The following MUC6 variants were observed in gnomAD, a reference collection of about 807,000 sequenced individuals.
MUC6 encodes the protein mucin-6.
A neutral mutation model predicts 201.5 loss-of-function variants in MUC6; 188 were observed. The ratio of observed to expected loss-of-function variants is 0.93; its 90% CI spans 0.83 to 1.05. The LOEUF is 1.05. MUC6 is among the 50% of genes least tolerant of loss of function. The probability of loss-of-function intolerance (pLI) is 0.00; values close to 1 mark genes in which losing one functional copy is unlikely to be tolerated. For synonymous variants in MUC6, 1,228 were observed against 1,389.4 expected (o/e 0.88, Z 2.58); for missense variants, 2,706 against 3,256.9 (o/e 0.83, Z 4.12).
At chr11:1,034,403 T>G (rs960142277) in intron 1 of MUC6, among the ~76,000 whole-genome samples, 3 of 152,096 alleles carry the variant, frequency 2.0e-5, no homozygotes, top group African/African-American at 7.2e-5. Flanking sequence ...CCCTCACTCA[T>G]CCCCCTCCTG....
intron 1 of MUC6, among the ~76,000 whole-genome samples, chr11:1,035,293 C>T (rs1299690882): frequency 6.6e-6 from 1 of 152,232 alleles, no homozygotes; most frequent in Non-Finnish European, 1.5e-5. Context: ...CTCTGGGCCT[C>T]ACCACACCTC....
In MUC6 at chr11:1,013,151, C is replaced by T. The variant is rs1856515110; in HGVS notation, c.*305G>A. 1.4e-5 allele frequency: 6 copies of T among 435,178 alleles called. No individual in the cohort carries two copies. The highest frequency in any genetic ancestry group is 5.7e-4 in the Middle Eastern group (1 of 1,750). The allele number at this position is 435,178 out of a possible 1,614,324, so 27.0% of individuals were successfully genotyped here. A position where few individuals can be genotyped will look rare whatever the true frequency, so the allele number is the denominator to read the frequency against. ...GCAGGGCTGGGGCCAAGTTCAGGGG[C>T]TGGGAGGTGTTGGACGGTGGGCAGG... On this transcript the variant is annotated 3_prime_UTR_variant, in exon 33 of 33. Transcript: ENST00000421673.
Position 1,028,262 on chromosome 11 carries a change from G to A in MUC6, c.1717C>T (p.Arg573Cys), listed in dbSNP as rs1291521344. Reference sequence around the variant, plus strand: ...CTCATGGAGCAGGGGTCAGTCTCACGCTCCAGAGCGGCCGGACAGTTCCCC... The same window carrying A: ...CTCATGGAGCAGGGGTCAGTCTCACACTCCAGAGCGGCCGGACAGTTCCCC... ...RAGNCPAALERETDPCSMSQL... is the reference protein window; with the variant it reads ...RAGNCPAALECETDPCSMSQL... Residue 573 changes from arginine (R) to cysteine (C), a missense_variant, in exon 14 of 33, where the codon CGT (arginine) becomes TGT (cysteine). This residue lies in a region of MUC6 where 1,850 missense variants were observed against 1,958.3 expected (regional missense o/e 0.94). Transcript: ENST00000421673. 1.9e-6 allele frequency: 3 copies of A among 1,594,622 alleles called. No individual in the cohort carries two copies. The highest frequency in any genetic ancestry group is 1.3e-5 in the African/African-American group (1 of 74,530).
rs1174857570 is a variant in MUC6, at chr11:1,024,896, T to C, written c.3173A>G (p.Glu1058Gly). The C allele has an allele frequency of 1.9e-6, 3 of 1,612,642 alleles. No individual in the cohort carries two copies. Among genetic ancestry groups the C allele is most frequent in the Non-Finnish European group, 2.5e-6 (3 of 1,179,830 alleles). Residue 1058 changes from glutamate (E) to glycine (G), a missense_variant, in exon 24 of 33, where the codon GAG (glutamate) becomes GGG (glycine). Coordinates refer to ENST00000421673, the MANE Select transcript of MUC6 (RefSeq NM_005961.3). ...GCTGTTGATGACGCTGCACTTGCGC[T>C]CGGCCCAGGAGCGCCGGAAGGCATT... ...SLNAFRRSWA[E>G]RKCSVINSQT...
rs373085305 is a variant in MUC6, at chr11:1,015,988, C to T, written c.6813G>A (p.Ser2271=). The change falls in exon 31 of 33, where the codon TCG becomes TCA. Residue 2271 remains serine (S), a synonymous_variant. Coordinates refer to ENST00000421673, the MANE Select transcript of MUC6 (RefSeq NM_005961.3). ...CTCGGGTGGTGAGAGAAGTGGACCG[C>T]GAGGTGGTGGACTGAGAGGAGAAGG... ...APAFSSQSTT[S]RSTSLTTRVP... 2.8e-5 allele frequency: 44 copies of T among 1,597,782 alleles called. No individual in the cohort carries two copies. The highest frequency in any genetic ancestry group is 3.5e-5 in the Non-Finnish European group (41 of 1,170,070).
rs780758261 is a variant in MUC6, at chr11:1,031,558, C to T, written c.483+49G>A. On this transcript the variant is annotated intron_variant, in intron 4 of 32. Transcript: ENST00000421673. Reference sequence around the variant, plus strand: ...GCAGCCCCTCCCAAGTCCCACCTGCCCCCCCGTGCTGCGGGTCTCCAGGCC... The same window carrying T: ...GCAGCCCCTCCCAAGTCCCACCTGCTCCCCCGTGCTGCGGGTCTCCAGGCC... The T allele has an allele frequency of 5.9e-6, 9 of 1,534,006 alleles. No individual in the cohort carries two copies. The Admixed American group carries it at 5.9e-5, about 10-fold the overall frequency.
Position 1,025,374 on chromosome 11 carries a change from G to C in MUC6, c.2800-7C>G, listed in dbSNP as rs1856931248. The C allele has an allele frequency of 2.5e-6, 4 of 1,606,122 alleles. No individual in the cohort carries two copies. The African/African-American group carries it at 4.0e-5, about 16-fold the overall frequency. The stretch of plus-strand genomic sequence containing the variant: ...CCAGCACCACGGACAGGCCCTGTGG[G>C]GTGGGGTTGGCATAGGACTGCCTGT... On this transcript the variant is annotated splice_polypyrimidine_tract_variant and splice_region_variant and intron_variant, in intron 22 of 32. Coordinates refer to ENST00000421673, the MANE Select transcript of MUC6 (RefSeq NM_005961.3).
At chr11:1,019,151 G>T in intron 30 of MUC6, 124 bp downstream of exon 30, 7 of 1,156,054 alleles carry the variant, frequency 6.1e-6, no homozygotes, top group South Asian at 1.5e-5. Context: ...ACACTTTTGG[G>T]CTGCCTTCTC....
Position 1,030,198 on chromosome 11 carries a change from T to G in MUC6, c.1015+15A>C. The G allele has an allele frequency of 6.5e-7, 1 of 1,549,330 alleles. No homozygotes were observed. On this transcript the variant is annotated intron_variant, in intron 8 of 32. Coordinates refer to ENST00000421673, the MANE Select transcript of MUC6 (RefSeq NM_005961.3). ...AGGGGTCCCGGGGAGAGAGAGTGCC[T>G]GCGACTGCCCTCACCTTCCGGGCAG...
intron 28 of MUC6, 139 bp from the exon 29 acceptor site, chr11:1,020,396 ACT>A: frequency 3.3e-6 from 4 of 1,204,098 alleles, no homozygotes; most frequent in Non-Finnish European, 4.6e-6. Flanking sequence ...GGCCTGTGGC[ACT>A]CTGAGTGCAG....
In MUC6 at chr11:1,016,388, G is replaced by A. The variant is rs1856612274; in HGVS notation, c.6413C>T (p.Pro2138Leu). 1 of 1,613,090 alleles carries A rather than the reference G, an allele frequency of 6.2e-7. No individual in the cohort carries two copies. The highest frequency in any genetic ancestry group is 1.3e-5 in the African/African-American group (1 of 74,864). ...SSSFSPSPSA[P>L]STVSSYVPSS... The stretch of plus-strand genomic sequence containing the variant: ...GGGCACATAAGAAGAAACAGTAGAG[G>A]GGGCAGAAGGACTGGGAGAAAATGA... Residue 2138 changes from proline to leucine, a missense_variant, in exon 31 of 33, where the codon CCC becomes CTC. By Grantham distance (98) the Pro-to-Leu change is moderately conservative. Around this residue, in one of 10 missense-constraint regions of MUC6, gnomAD observed 586 missense variants for 488.0 expected, o/e 1.20. Transcript: ENST00000421673.
intron 6 of MUC6, 26 bp from the exon 7 acceptor site, chr11:1,030,806 G>T: frequency 1.3e-6 from 2 of 1,533,158 alleles, no homozygotes; most frequent in Non-Finnish European, 1.7e-6. Context: ...AGGGTCATGG[G>T]GGCAAAGGCC....
intron 26 of MUC6, 90 bp from the exon 27 acceptor site, chr11:1,021,367 G>GTT: frequency 1.7e-6 from 1 of 605,812 alleles, no homozygotes; most frequent in South Asian, 3.6e-5. Flanking sequence ...CTTCCTCTCT[G>GTT]CTTTTTTTTT....
In MUC6 at chr11:1,016,145, G is replaced by T. The variant is rs200830518; in HGVS notation, c.6656C>A (p.Pro2219His). The change falls in exon 31 of 33, where the codon CCT becomes CAT. Residue 2219 changes from proline (P) to histidine (H), a missense_variant. Pro to His is a moderately conservative substitution (Grantham distance 77). Around this residue, in one of 10 missense-constraint regions of MUC6, gnomAD observed 586 missense variants for 488.0 expected, o/e 1.20. Coordinates refer to ENST00000421673, the MANE Select transcript of MUC6 (RefSeq NM_005961.3). ...GGGGAGTAGAGCAGAGAGGGTGAAA[G>T]GAGAGGAGATAGTGTGGGGGAGAGT... ...RATLPHTISS[P>H]FTLSALLPIS... 987 of 1,613,608 alleles carry T rather than the reference G, an allele frequency of 6.1e-4. No individual in the cohort carries two copies. The highest frequency in any genetic ancestry group is 7.8e-4 in the Non-Finnish European group (916 of 1,179,830).
chr11:1,017,474 G>T lies in MUC6; in HGVS notation c.5327C>A (p.Thr1776Lys), dbSNP rs757326593. Residue 1776 changes from threonine to lysine, a missense_variant, in exon 31 of 33, where the codon ACA (threonine) becomes AAA (lysine). By Grantham distance (78) the Thr-to-Lys change is moderately conservative. Coordinates refer to ENST00000421673, the MANE Select transcript of MUC6 (RefSeq NM_005961.3). ...TTSITPNHTS[T>K]GTRTPVAHTT... ...GTGGGCCACAGGGGTTCTGGTGCCT[G>T]TACTGGTGTGGTTGGGGGTGATGCT... The T allele has an allele frequency of 7.4e-7, 1 of 1,357,348 alleles. No homozygotes were observed. Among genetic ancestry groups the T allele is most frequent in the Admixed American group, 2.7e-5 (1 of 37,618 alleles). 84.1% of individuals were successfully genotyped at this position (1,357,348 alleles called of 1,614,324 possible). A position where few individuals can be genotyped will look rare whatever the true frequency, so the allele number is the denominator to read the frequency against.
chr11:1,028,505 G>GC (rs1489221651), intron 13 of MUC6, 118 bp from the exon 14 acceptor site: 1 of 1,529,288 alleles, frequency 6.5e-7, no homozygotes, highest in Admixed American at 1.9e-5. Flanking sequence ...GGCTGCGTGG[G>GC]CCACACGTGC....
At chr11:1,018,848 T>C in intron 30 of MUC6, 78 bp from the exon 31 acceptor site, 1 of 1,497,834 alleles carries the variant, frequency 6.7e-7, no homozygotes, top group South Asian at 1.4e-5. Flanking sequence ...TCCTTTTGTC[T>C]ATGTGACCTT....
At position 1,030,947 on chromosome 11, in the gene MUC6, G is replaced by A. The variant is rs749160564; in HGVS notation, c.684C>T (p.His228=). 27 of 1,568,748 alleles carry A rather than the reference G, an allele frequency of 1.7e-5. 1 individual carries two copies. In the South Asian group the frequency reaches 1.9e-4, roughly 11 times the overall value. Reference sequence around the variant, plus strand: ...CCCCACCTGGAGCCCCCTTGCTTACGTGCTGGGCCTGCCGGACGTGGGTGC... The same window carrying A: ...CCCCACCTGGAGCCCCCTTGCTTACATGCTGGGCCTGCCGGACGTGGGTGC... ...IPSTHVRQAQ[H]ARICTQLLTL... The change falls in exon 6 of 33, where the codon CAC becomes CAT. Residue 228 remains histidine, a splice_region_variant and synonymous_variant. Coordinates refer to ENST00000421673, the MANE Select transcript of MUC6 (RefSeq NM_005961.3).
Position 1,029,357 on chromosome 11 carries a change from G to A in MUC6, c.1146C>T (p.Thr382=), listed in dbSNP as rs1857047187. The change falls in exon 10 of 33, where the codon ACC becomes ACT. Residue 382 remains threonine, a synonymous_variant. Coordinates refer to ENST00000421673, the MANE Select transcript of MUC6 (RefSeq NM_005961.3). ...TIAACQTCRC[T]LGRWVCTERP... Reference sequence around the variant, plus strand: ...GCTCCGTGCACACCCAGCGGCCCAGGGTGCACCGGCTGTGGGTGGGCGTGG... The same window carrying A: ...GCTCCGTGCACACCCAGCGGCCCAGAGTGCACCGGCTGTGGGTGGGCGTGG... The A allele has an allele frequency of 6.3e-7, 1 of 1,599,218 alleles. No individual in the cohort carries two copies. Among genetic ancestry groups the A allele is most frequent in the African/African-American group, 1.3e-5 (1 of 74,696 alleles).
Sources: allele counts gnomAD v4.1 joint callset (sites outside exome capture counted in the v4.1 genomes callset), GRCh38; gene constraint gnomAD v4.1.1; regional missense constraint gnomAD v4.1.1; transcripts MANE v1.5; gene names NCBI Gene and HGNC (gene_info 2026-07-23, HGNC 2026-07-21).